The following PVR variants were observed in gnomAD, a reference collection of about 807,000 sequenced individuals.
PVR encodes PVR cell adhesion molecule, also known as poliovirus receptor.
Under a neutral mutation model 43.3 loss-of-function variants are expected in PVR, and 39 were observed. The observed-to-expected ratio is 0.90, with a 90% CI of 0.70 to 1.18. The LOEUF (loss-of-function observed/expected upper bound fraction) is 1.18. PVR is among the 50% of genes most tolerant of loss of function. The pLI is 0.00. For synonymous variants in PVR, 224 were observed against 233.2 expected, an observed-to-expected ratio of 0.96 and a Z score of 0.36; for missense variants, 480 against 549.7, an observed-to-expected ratio of 0.87 and a Z score of 1.27.
Position 44,653,994 on chromosome 19 carries a change from G to A in PVR, c.819G>A (p.Glu273=), listed in dbSNP as rs2123760350. The A allele has an allele frequency of 6.2e-7, 1 of 1,613,934 alleles. No homozygotes were observed. The highest frequency in any genetic ancestry group is 8.5e-7 in the Non-Finnish European group (1 of 1,179,812). ...CCTGCGATGCTCGCAGCAACCCAGAGCCCACAGGCTATAATTGGAGCACGT... is the reference window on the plus strand; with the variant it reads ...CCTGCGATGCTCGCAGCAACCCAGAACCCACAGGCTATAATTGGAGCACGT... ...TLTCDARSNP[E]PTGYNWSTTM... The change falls in exon 4 of 8, where the codon GAG becomes GAA. Residue 273 remains glutamate (E), a synonymous_variant. Transcript: ENST00000425690.
At chr19:44,654,882 G>A (rs1973397635) in intron 4 of PVR, among the ~76,000 whole-genome samples, 2 of 151,994 alleles carry the variant, frequency 1.3e-5, no homozygotes, top group Admixed American at 6.6e-5. Flanking sequence ...CCACCTCACC[G>A]TCACCTTGTG....
chr19:44,648,811 C>A (rs1359412160), intron 2 of PVR, among the ~76,000 whole-genome samples: 1 of 152,120 alleles, frequency 6.6e-6, no homozygotes, highest in Non-Finnish European at 1.5e-5. Context: ...CTCCAGCAAG[C>A]CTGGGATTCT....
At chr19:44,654,302 A>G (rs1370661029) in intron 4 of PVR, among the ~76,000 whole-genome samples, 2 of 142,270 alleles carry the variant, frequency 1.4e-5, no homozygotes, top group East Asian at 2.1e-4. Context: ...AGGGAGGAGA[A>G]GCTGGGAGCC....
In PVR at chr19:44,649,801, C is replaced by T. The variant is rs1303122907; in HGVS notation, c.428-8C>T. On this transcript the variant is annotated splice_polypyrimidine_tract_variant and splice_region_variant and intron_variant, in intron 2 of 7. Coordinates refer to ENST00000425690, the MANE Select transcript of PVR (RefSeq NM_006505.5). ...TGAATGACTTGTTGCTTTTGTTCCT[C>T]TTCCCAGCCAAGCCCCAGAACACAG... The T allele has an allele frequency of 2.5e-6, 4 of 1,612,674 alleles. No homozygotes were observed. The highest frequency in any genetic ancestry group is 3.4e-6 in the Non-Finnish European group (4 of 1,179,470).
At chr19:44,652,514 G>T (rs1973310235) in intron 3 of PVR, among the ~76,000 whole-genome samples, 1 of 151,994 alleles carries the variant, frequency 6.6e-6, no homozygotes. Context: ...CTCCCGAGTA[G>T]CTGGGATTAC....
intron 3 of PVR, among the ~76,000 whole-genome samples, chr19:44,651,893 C>T (rs1172000809): frequency 2.0e-5 from 3 of 151,874 alleles, no homozygotes; most frequent in African/African-American, 7.3e-5. Flanking sequence ...CGGTGGCTCA[C>T]GCCTGTAATC....
intron 1 of PVR, 83 bp downstream of exon 1, chr19:44,644,258 C>T: frequency 9.1e-7 from 1 of 1,099,064 alleles, no homozygotes; most frequent in Non-Finnish European, 1.2e-6. Flanking sequence ...CCTTGGGTTC[C>T]CGAAGATGAC....
chr19:44,654,410 G>A (rs764055227), intron 4 of PVR, among the ~76,000 whole-genome samples: 58 of 152,338 alleles, frequency 3.8e-4, no homozygotes, highest in Middle Eastern at 3.4e-3. Context: ...GGTTGACTTC[G>A]GGCCCCCAGT....
intron 3 of PVR, among the ~76,000 whole-genome samples, chr19:44,652,299 C>G (rs535754324): frequency 6.6e-6 from 1 of 152,134 alleles, no homozygotes; most frequent in South Asian, 2.1e-4. Context: ...CTTAAGTGAT[C>G]CTCCCACCTC....
chr19:44,660,760 G>A (rs1006827292), intron 6 of PVR, among the ~76,000 whole-genome samples: 27 of 152,060 alleles, frequency 1.8e-4, no homozygotes, highest in African/African-American at 6.0e-4. Context: ...CTAGACTCCA[G>A]CAATCCGCCC....
In PVR at chr19:44,661,901, C is replaced by T. The variant is rs1275292763; in HGVS notation, c.*90C>T. 7 of 1,234,400 alleles carry T rather than the reference C, an allele frequency of 5.7e-6. No homozygotes were observed. In the East Asian group the frequency reaches 1.4e-4, roughly 25 times the overall value. The allele number at this position is 1,234,400 out of a possible 1,614,324, so 76.5% of individuals were successfully genotyped here. A position where few individuals can be genotyped will look rare whatever the true frequency, so the allele number is the denominator to read the frequency against. On this transcript the variant is annotated 3_prime_UTR_variant, in exon 8 of 8. Transcript: ENST00000425690. ...CCCGACCCCAATGGATGAAGACCCC[C>T]TCCAAAGAGACCAGCCTCCCTCCCT... is the stretch of plus-strand genomic sequence containing the variant.
intron 3 of PVR, among the ~76,000 whole-genome samples, chr19:44,652,513 A>T (rs1973310144): frequency 6.6e-6 from 1 of 151,818 alleles, no homozygotes; most frequent in Non-Finnish European, 1.5e-5. Flanking sequence ...CCTCCCGAGT[A>T]GCTGGGATTA....
intron 1 of PVR, 50 bp from the exon 2 acceptor site, chr19:44,647,173 C>G: frequency 7.2e-7 from 1 of 1,389,244 alleles, no homozygotes; most frequent in South Asian, 1.4e-5. Context: ...CCCTCCCTAT[C>G]TAGTCCAAGA....
In PVR at chr19:44,644,010, T is replaced by G; in HGVS notation, c.-87T>G. 1.7e-6 allele frequency: 2 copies of G among 1,153,762 alleles called. No homozygotes were observed. Among genetic ancestry groups the G allele is most frequent in the Non-Finnish European group, 2.4e-6 (2 of 843,960 alleles). The allele number at this position is 1,153,762 out of a possible 1,614,324, so 71.5% of individuals were successfully genotyped here. ...ATTCCAGGACCTGAGCTCCGGGAGCTGGACTCGCAGCGACCGCGGCAGAGC... is the reference window on the plus strand; with the variant it reads ...ATTCCAGGACCTGAGCTCCGGGAGCGGGACTCGCAGCGACCGCGGCAGAGC... On this transcript the variant is annotated 5_prime_UTR_variant, in exon 1 of 8. Transcript: ENST00000425690.
At chr19:44,645,138 A>G (rs1251446942) in intron 1 of PVR, among the ~76,000 whole-genome samples, 1 of 60,458 alleles carries the variant, frequency 1.7e-5, no homozygotes, top group Non-Finnish European at 2.6e-5. Context: ...AATATATTAT[A>G]TATATTATTA....
chr19:44,659,823 G>A (rs1191633126), intron 6 of PVR, among the ~76,000 whole-genome samples: 1 of 152,174 alleles, frequency 6.6e-6, no homozygotes, highest in African/African-American at 2.4e-5. Context: ...CAGCAAAGTG[G>A]TTCTCCCGTG....
intron 4 of PVR, among the ~76,000 whole-genome samples, chr19:44,656,448 A>G (rs1973448322): frequency 1.3e-5 from 2 of 152,328 alleles, no homozygotes; most frequent in South Asian, 4.1e-4. Context: ...TCTGCGGAGC[A>G]CCCAAAGCCT....
intron 3 of PVR, among the ~76,000 whole-genome samples, chr19:44,653,449 C>T (rs1973338393): frequency 6.6e-6 from 1 of 152,186 alleles, no homozygotes; most frequent in Non-Finnish European, 1.5e-5. Flanking sequence ...CATTGGCCTG[C>T]CCCCAAGGAC....
chr19:44,651,819 C>T (rs1361749370), intron 3 of PVR, among the ~76,000 whole-genome samples: 2 of 152,174 alleles, frequency 1.3e-5, no homozygotes, highest in African/African-American at 2.4e-5. Context: ...ATGCAAGCTG[C>T]ATATAGGATT....
Sources: gnomAD v4.1 joint callset for allele counts (sites outside exome capture counted in the v4.1 genomes callset) on GRCh38, gnomAD v4.1.1 for gene constraint, MANE v1.5 for transcripts, NCBI Gene and HGNC (gene_info 2026-07-23, HGNC 2026-07-21) for gene names.